The following UBXN2A variants were observed in gnomAD, a reference collection of about 807,000 sequenced individuals.
UBXN2A encodes UBX domain-containing protein 2A.
A neutral mutation model predicts 28.4 loss-of-function variants in UBXN2A; 28 were observed. The ratio of observed to expected loss-of-function variants is 0.99; its 90% CI spans 0.73 to 1.35. UBXN2A has a LOEUF of 1.35. UBXN2A is among the 40% of genes most tolerant of loss of function. The pLI, the probability that UBXN2A is intolerant of heterozygous loss-of-function variation, is 0.00. For missense variants in UBXN2A, 253 were observed against 297.9 expected, an observed-to-expected ratio of 0.85 and a Z score of 1.11; for synonymous variants, 97 against 103.6, an observed-to-expected ratio of 0.94 and a Z score of 0.39.
chr2:23,963,483 A>T (rs1707027660), intron 2 of UBXN2A, among the ~76,000 whole-genome samples: 1 of 152,000 alleles, frequency 6.6e-6, no homozygotes, highest in Non-Finnish European at 1.5e-5. Context: ...AAAAAAAAAA[A>T]AAAGAGAAAA....
At chr2:23,981,637 T>A (rs1707911012) in intron 4 of UBXN2A, among the ~76,000 whole-genome samples, 1 of 152,054 alleles carries the variant, frequency 6.6e-6, no homozygotes, top group Non-Finnish European at 1.5e-5. Context: ...CTCACACCTG[T>A]AATCCCAACA....
intron 2 of UBXN2A, among the ~76,000 whole-genome samples, chr2:23,959,692 G>A (rs577382894): frequency 6.6e-6 from 1 of 152,222 alleles, no homozygotes; most frequent in East Asian, 1.9e-4. Flanking sequence ...CCAGGCACAA[G>A]CTTCCAGGGG....
intron 1 of UBXN2A, among the ~76,000 whole-genome samples, chr2:23,931,510 G>A (rs1478246028): frequency 2.6e-5 from 4 of 151,966 alleles, no homozygotes; most frequent in Non-Finnish European, 4.4e-5. Flanking sequence ...GTACATACTA[G>A]AGGAAATAAC....
intron 1 of UBXN2A, among the ~76,000 whole-genome samples, chr2:23,955,638 T>C (rs557241862): frequency 6.6e-6 from 1 of 152,350 alleles, no homozygotes; most frequent in East Asian, 1.9e-4. Flanking sequence ...TGGTGTAGCA[T>C]ATTGCTCCTA....
At chr2:23,986,972 G>T (rs1708156911) in intron 6 of UBXN2A, among the ~76,000 whole-genome samples, 1 of 151,960 alleles carries the variant, frequency 6.6e-6, no homozygotes, top group Admixed American at 6.6e-5. Flanking sequence ...AATTTGGGAG[G>T]CTGGGGACTA....
chr2:23,974,356 T>A (rs1412983669), intron 3 of UBXN2A, among the ~76,000 whole-genome samples: 2 of 146,036 alleles, frequency 1.4e-5, no homozygotes, highest in Non-Finnish European at 3.0e-5. Context: ...TTTTTTTTTT[T>A]TTATTTTGAG....
At chr2:23,982,538 A>G (rs1455412732) in intron 4 of UBXN2A, among the ~76,000 whole-genome samples, 7 of 150,198 alleles carry the variant, frequency 4.7e-5, no homozygotes, top group African/African-American at 7.3e-5. Flanking sequence ...GTTCACGCCT[A>G]TAATCCCAGC....
chr2:23,954,824 C>T lies in UBXN2A; in HGVS notation c.-14-3477C>T, dbSNP rs1055388396. Among the ~76,000 whole-genome samples, 9 of 148,880 alleles carry T rather than the reference C, an allele frequency of 6.0e-5. No individual in the cohort carries two copies. In the Admixed American group the frequency reaches 6.1e-4, roughly 10 times the overall value. On this transcript the variant is annotated intron_variant, in intron 1 of 6. Coordinates refer to ENST00000309033, the MANE Select transcript of UBXN2A (RefSeq NM_181713.4). ...CCAGGCTGGAGTGTGGTGACATGAT[C>T]ATGGCTCACTGCAGCCTCAAATTCC...
chr2:23,974,598 G>A lies in UBXN2A; in HGVS notation c.181-2371G>A, dbSNP rs575019876. Among the ~76,000 whole-genome samples, 178 of 145,842 alleles carry A rather than the reference G, an allele frequency of 1.2e-3. 1 individual carries two copies. Among genetic ancestry groups the A allele is most frequent in the African/African-American group, 4.3e-3 (170 of 39,426 alleles). The stretch of plus-strand genomic sequence containing the variant: ...CTTGACCTCATGATCCGCCTGCCTC[G>A]GCCTCCCAAAGTGCTGGGATTACAG... On this transcript the variant is annotated intron_variant, in intron 3 of 6. Coordinates refer to ENST00000309033, the MANE Select transcript of UBXN2A (RefSeq NM_181713.4).
At chr2:23,941,710 G>A (rs550930218) in intron 1 of UBXN2A, among the ~76,000 whole-genome samples, 1 of 152,140 alleles carries the variant, frequency 6.6e-6, no homozygotes, top group African/African-American at 2.4e-5. Context: ...GAATGCTAAG[G>A]ATACAATAGT....
intron 1 of UBXN2A, among the ~76,000 whole-genome samples, chr2:23,957,009 C>T (rs1228132445): frequency 1.3e-5 from 2 of 152,168 alleles, no homozygotes; most frequent in Non-Finnish European, 2.9e-5. Context: ...CTCCTGTATA[C>T]TATAAATCAC....
chr2:23,936,170 T>G (rs1235006967), upstream of UBXN2A, among the ~76,000 whole-genome samples: 2 of 152,142 alleles, frequency 1.3e-5, no homozygotes, highest in Admixed American at 6.6e-5. Context: ...CCAGCATTAT[T>G]CAAGATAGCA....
chr2:23,965,232 G>A (rs374557578), intron 2 of UBXN2A, among the ~76,000 whole-genome samples: 7 of 152,146 alleles, frequency 4.6e-5, no homozygotes, highest in South Asian at 2.1e-4. Flanking sequence ...TACTGGATTA[G>A]CTCGGACTTC....
chr2:23,974,903 A>G (rs1707590651), intron 3 of UBXN2A, among the ~76,000 whole-genome samples: 2 of 151,902 alleles, frequency 1.3e-5, no homozygotes, highest in South Asian at 2.1e-4. Context: ...CACTTGAACC[A>G]GGGAGGCGGA....
At chr2:23,982,208 A>G (rs1217927936) in intron 4 of UBXN2A, among the ~76,000 whole-genome samples, 1 of 151,020 alleles carries the variant, frequency 6.6e-6, no homozygotes, top group African/African-American at 2.4e-5. Flanking sequence ...AAATACCAAA[A>G]AAAAAAAAAT....
At chr2:23,978,247 T>G (rs1368362720) in intron 4 of UBXN2A, among the ~76,000 whole-genome samples, 1 of 152,240 alleles carries the variant, frequency 6.6e-6, no homozygotes, top group African/African-American at 2.4e-5. Flanking sequence ...TATTTAATTT[T>G]GTTTAAATGT....
chr2:23,990,862 C>A (rs1708327217), intron 6 of UBXN2A, among the ~76,000 whole-genome samples: 1 of 151,892 alleles, frequency 6.6e-6, no homozygotes, highest in Non-Finnish European at 1.5e-5. Flanking sequence ...CTATAGAACA[C>A]ATACACTATG....
intron 2 of UBXN2A, among the ~76,000 whole-genome samples, chr2:23,969,480 A>G (rs930187040): frequency 1.3e-5 from 2 of 152,146 alleles, no homozygotes; most frequent in Non-Finnish European, 2.9e-5. Context: ...CTCCTGCCTC[A>G]GCCTCCTGAG....
At chr2:23,986,613 CTT>C (rs1240438686) in intron 6 of UBXN2A, among the ~76,000 whole-genome samples, 23 of 137,744 alleles carry the variant, frequency 1.7e-4, no homozygotes, top group Non-Finnish European at 1.7e-4. Flanking sequence ...TTCCTAAAAG[CTT>C]TTTTTTTTTT....
Sources: allele counts gnomAD v4.1 joint callset (sites outside exome capture counted in the v4.1 genomes callset), GRCh38; gene constraint gnomAD v4.1.1; transcripts MANE v1.5; gene names NCBI Gene and HGNC (gene_info 2026-07-23, HGNC 2026-07-21).